Variants in PIEZO2 observed in about 807,000 individuals in gnomAD.
PIEZO2 encodes the protein piezo-type mechanosensitive ion channel component 2.
A neutral mutation model predicts 337.3 loss-of-function variants in PIEZO2; 172 were observed. The ratio of observed to expected loss-of-function variants is 0.51; its 90% CI spans 0.45 to 0.58. The LOEUF is 0.58. PIEZO2 is among the 20% of genes least tolerant of loss of function. PIEZO2 has a pLI of 0.00. For missense variants in PIEZO2, 3,028 were observed against 3,391.3 expected (o/e 0.89, Z 2.66); for synonymous variants, 1,251 against 1,228.5 (o/e 1.02, Z -0.38).
chr18:10,716,107 G>C lies in PIEZO2; in HGVS notation c.5090-291C>G, dbSNP rs2036000789. ...GCAGCTGACCCTTGAACATGGGTTT[G>C]GACAGCGTGGATCCACTCTACGCGT... On this transcript the variant is annotated intron_variant, in intron 37 of 55. Transcript: ENST00000674853. The surrounding 1 kb of genome is among the most constrained non-coding windows in gnomAD (Gnocchi z 4.1). 6.6e-6 allele frequency among the ~76,000 whole-genome samples: 1 copy of C among 152,152 alleles called. No homozygotes were observed. Among genetic ancestry groups the C allele is most frequent in the Admixed American group, 6.5e-5 (1 of 15,274 alleles).
chr18:10,762,565 C>A lies in PIEZO2; in HGVS notation c.3184G>T (p.Ala1062Ser), dbSNP rs886907295. ...ACCCACTCTGTAGGATCGATAGGAG[C>A]GCTGTAGAGCAGAGACTTGTTCAAC... ...NELNKSLLYS[A>S]PIDPTEWVGL... Residue 1062 changes from alanine to serine, a missense_variant, in exon 23 of 56, where the codon GCT becomes TCT. Coordinates refer to ENST00000674853, the MANE Select transcript of PIEZO2 (RefSeq NM_001378183.1). The A allele has an allele frequency of 6.5e-7, 1 of 1,537,302 alleles. No homozygotes were observed. Among genetic ancestry groups the A allele is most frequent in the Admixed American group, 2.0e-5 (1 of 51,000 alleles).
intron 2 of PIEZO2, among the ~76,000 whole-genome samples, chr18:11,057,222 ATG>A (rs910439836): frequency 6.6e-6 from 1 of 152,064 alleles, no homozygotes; most frequent in Non-Finnish European, 1.5e-5. Context: ...TGCCTTGACA[ATG>A]TTCCAGTTGC....
intron 5 of PIEZO2, among the ~76,000 whole-genome samples, chr18:10,864,665 A>G (rs1428238357): frequency 6.6e-6 from 1 of 152,250 alleles, no homozygotes; most frequent in East Asian, 1.9e-4. Flanking sequence ...AAGCCCTAGC[A>G]AGAAATGGTC....
rs939397571 is a variant in PIEZO2, at chr18:11,080,920, G to C, written c.65-14698C>G. On this transcript the variant is annotated intron_variant, in intron 1 of 55. Transcript: ENST00000674853. The surrounding 1 kb of genome is among the most constrained non-coding windows in gnomAD (Gnocchi z 5.4). ...AAAGTTATCACACCTGACCAATGGA[G>C]TCAACGTCCAATAGCTTCACCAAAT... 1.3e-5 allele frequency among the ~76,000 whole-genome samples: 2 copies of C among 152,192 alleles called. No individual in the cohort carries two copies. Among genetic ancestry groups the C allele is most frequent in the African/African-American group, 4.8e-5 (2 of 41,450 alleles).
Position 10,834,480 on chromosome 18 carries a change from G to T in PIEZO2, c.917+20873C>A, listed in dbSNP as rs143773555. On this transcript the variant is annotated intron_variant, in intron 7 of 55. Transcript: ENST00000674853. This position sits in a 1 kb window ranked among gnomAD's most constrained non-coding sequence, Gnocchi z 4.5. Reference sequence around the variant, plus strand: ...TATTAGCCCAGCCCCACTCTGTGATGCAGGTGCCGGCTTCCCCTTTAATCC... The same window carrying T: ...TATTAGCCCAGCCCCACTCTGTGATTCAGGTGCCGGCTTCCCCTTTAATCC... 1.6e-3 allele frequency among the ~76,000 whole-genome samples: 246 copies of T among 152,324 alleles called. 4 individuals are homozygous for T. The highest frequency in any genetic ancestry group is 5.5e-3 in the African/African-American group (230 of 41,562).
At chr18:10,695,150 G>T (rs1336961170) in intron 47 of PIEZO2, among the ~76,000 whole-genome samples, 1 of 152,166 alleles carries the variant, frequency 6.6e-6, no homozygotes, top group Non-Finnish European at 1.5e-5. Context: ...TTTCTTTGCC[G>T]AAATGACCAG....
At chr18:11,082,410 C>T (rs771010286) in intron 1 of PIEZO2, among the ~76,000 whole-genome samples, 32 of 151,790 alleles carry the variant, frequency 2.1e-4, no homozygotes, top group Admixed American at 5.2e-4. Context: ...CTCCACCTCC[C>T]GGGTTCATGC....
In PIEZO2 at chr18:10,863,121, A is replaced by G. The variant is rs57367396; in HGVS notation, c.493-5910T>C. ...GGAGCATTTTTCTGAAGTGTCATCA[A>G]TTGTTTATTCATTGTTTATTATTAA... is the stretch of plus-strand genomic sequence containing the variant. On this transcript the variant is annotated intron_variant, in intron 5 of 55. Coordinates refer to ENST00000674853, the MANE Select transcript of PIEZO2 (RefSeq NM_001378183.1). The surrounding 1 kb of genome is among the most constrained non-coding windows in gnomAD (Gnocchi z 4.3). Among the ~76,000 whole-genome samples, 3,195 of 152,308 alleles carry G rather than the reference A, an allele frequency of 0.021. 110 individuals carry two copies. Among genetic ancestry groups the G allele is most frequent in the African/African-American group, 0.072 (2,978 of 41,558 alleles).
chr18:10,790,547 T>C (rs2039373196), intron 14 of PIEZO2, among the ~76,000 whole-genome samples: 1 of 152,196 alleles, frequency 6.6e-6, no homozygotes, highest in South Asian at 2.1e-4. Flanking sequence ...TGGTATACTA[T>C]TGTTAAGAAA....
chr18:10,780,052 C>T (rs1396045631), intron 18 of PIEZO2, among the ~76,000 whole-genome samples: 1 of 152,172 alleles, frequency 6.6e-6, no homozygotes, highest in Non-Finnish European at 1.5e-5. Context: ...TGCACTAATT[C>T]TACCAAAGAA....
intron 2 of PIEZO2, among the ~76,000 whole-genome samples, chr18:11,007,062 T>C (rs1276554894): frequency 6.6e-6 from 1 of 152,218 alleles, no homozygotes; most frequent in Middle Eastern, 3.2e-3. Flanking sequence ...TATTTTGAGG[T>C]ATACAATAAA....
intron 21 of PIEZO2, among the ~76,000 whole-genome samples, chr18:10,764,833 T>C (rs764799729): frequency 2.4e-4 from 36 of 152,312 alleles, no homozygotes; most frequent in Admixed American, 5.9e-4. Flanking sequence ...AACTCACTCA[T>C]AAACATGTTA....
In PIEZO2 at chr18:10,942,758, T is replaced by A. The variant is rs2032795390; in HGVS notation, c.287-31530A>T. Among the ~76,000 whole-genome samples the A allele has an allele frequency of 6.6e-6, 1 of 152,078 alleles. No homozygotes were observed. Among genetic ancestry groups the A allele is most frequent in the Non-Finnish European group, 1.5e-5 (1 of 67,998 alleles). ...TTAATCCCCAAGACAATGGGAAAAA[T>A]GTCTCCAGGGCATGTCAGAGTTCTT... is the stretch of plus-strand genomic sequence containing the variant. On this transcript the variant is annotated intron_variant, in intron 3 of 55. Coordinates refer to ENST00000674853, the MANE Select transcript of PIEZO2 (RefSeq NM_001378183.1). The surrounding 1 kb of genome is among the most constrained non-coding windows in gnomAD (Gnocchi z 4.4).
At chr18:11,011,646 C>G (rs769276855) in intron 2 of PIEZO2, among the ~76,000 whole-genome samples, 2 of 152,048 alleles carry the variant, frequency 1.3e-5, no homozygotes, top group Non-Finnish European at 2.9e-5. Context: ...ATTTTTCTAT[C>G]ATATTCATTT....
intron 2 of PIEZO2, among the ~76,000 whole-genome samples, chr18:11,052,325 A>T (rs1482334134): frequency 3.7e-4 from 56 of 152,166 alleles, no homozygotes; most frequent in Admixed American, 3.5e-3. Context: ...CCAGTGAGTT[A>T]ACACTTCCTC....
At chr18:11,011,417 CA>C (rs2035896851) in intron 2 of PIEZO2, among the ~76,000 whole-genome samples, 1 of 152,036 alleles carries the variant, frequency 6.6e-6, no homozygotes, top group African/African-American at 2.4e-5. Flanking sequence ...AAATTGAAGC[CA>C]AAATGCATGT....
chr18:10,834,172 C>T lies in PIEZO2; in HGVS notation c.917+21181G>A, dbSNP rs1312671691. Among the ~76,000 whole-genome samples the T allele has an allele frequency of 6.6e-6, 1 of 152,196 alleles. No individual in the cohort carries two copies. The highest frequency in any genetic ancestry group is 1.5e-5 in the Non-Finnish European group (1 of 68,036). On this transcript the variant is annotated intron_variant, in intron 7 of 55. Coordinates refer to ENST00000674853, the MANE Select transcript of PIEZO2 (RefSeq NM_001378183.1). This position sits in a 1 kb window ranked among gnomAD's most constrained non-coding sequence, Gnocchi z 4.5. Reference sequence around the variant, plus strand: ...GTTAGGAACATTCCATTTCCACTCTCAGTTATTTTAAAATATGCAGTACAT... The same window carrying T: ...GTTAGGAACATTCCATTTCCACTCTTAGTTATTTTAAAATATGCAGTACAT...
intron 37 of PIEZO2, 36 bp from the exon 38 acceptor site, chr18:10,715,852 C>T (rs765020494): frequency 4.1e-6 from 6 of 1,449,220 alleles, no homozygotes; most frequent in African/African-American, 2.8e-5. Context: ...GTTAAAGGAA[C>T]AAAATACCAT....
At chr18:11,060,313 C>T (rs1409497839) in intron 2 of PIEZO2, among the ~76,000 whole-genome samples, 2 of 152,070 alleles carry the variant, frequency 1.3e-5, no homozygotes, top group Admixed American at 1.3e-4. Context: ...CAGGAAAGTT[C>T]TAAAATTGAC....
Sources: allele counts gnomAD v4.1 joint callset (sites outside exome capture counted in the v4.1 genomes callset), GRCh38; gene constraint gnomAD v4.1.1; non-coding constraint Gnocchi (gnomAD v3.1); transcripts MANE v1.5; gene names NCBI Gene and HGNC (gene_info 2026-07-23, HGNC 2026-07-21).